The following PCDH15 variants were observed in gnomAD, a reference collection of about 807,000 sequenced individuals.
The protein encoded by PCDH15 is protocadherin related 15.
A neutral mutation model predicts 178.5 loss-of-function variants in PCDH15; 129 were observed. The ratio of observed to expected loss-of-function variants is 0.72; its 90% CI spans 0.63 to 0.84. PCDH15 has a LOEUF of 0.84. Among genes scored for constraint, PCDH15 ranks in the 40% least tolerant of loss-of-function variants. The pLI, the probability that PCDH15 is intolerant of heterozygous loss-of-function variation, is 0.00. For missense variants in PCDH15, 2,230 were observed against 2,099.9 expected, an observed-to-expected ratio of 1.06 and a Z score of -1.21; for synonymous variants, 800 against 732.0, an observed-to-expected ratio of 1.09 and a Z score of -1.50.
intron 18 of PCDH15, among the ~76,000 whole-genome samples, chr10:54,025,356 C>A (rs1027991588): frequency 1.3e-5 from 2 of 152,124 alleles, no homozygotes; most frequent in Non-Finnish European, 2.9e-5. Flanking sequence ...GAAACAACTT[C>A]TTTGCTCATT....
intron 3 of PCDH15, among the ~76,000 whole-genome samples, chr10:54,418,200 A>C (rs900353905): frequency 6.6e-6 from 1 of 152,168 alleles, no homozygotes; most frequent in Non-Finnish European, 1.5e-5. Context: ...GGGTGCACAG[A>C]GTACTTGAAT....
chr10:54,913,926 C>T (rs971782493), intron 2 of PCDH15, among the ~76,000 whole-genome samples: 1 of 152,174 alleles, frequency 6.6e-6, no homozygotes, highest in East Asian at 1.9e-4. Flanking sequence ...GCCTGTACCC[C>T]CACTGTATCT....
At chr10:55,514,987 A>ATTTTTTTT (rs35469059) in intron 2 of PCDH15, among the ~76,000 whole-genome samples, 1 of 120,270 alleles carries the variant, frequency 8.3e-6, no homozygotes, top group Non-Finnish European at 1.7e-5. Flanking sequence ...AGATAGATAG[A>ATTTTTTTT]TTTTTTTTTT....
intron 2 of PCDH15, among the ~76,000 whole-genome samples, chr10:54,929,638 C>G (rs1423715699): frequency 6.6e-6 from 1 of 152,096 alleles, no homozygotes; most frequent in East Asian, 1.9e-4. Flanking sequence ...TTACTTGTAC[C>G]CTTTACAACT....
At chr10:54,364,104 C>T (rs1034968006) in intron 5 of PCDH15, among the ~76,000 whole-genome samples, 4 of 151,354 alleles carry the variant, frequency 2.6e-5, no homozygotes, top group South Asian at 2.1e-4. Context: ...TCCAGCTACT[C>T]GGGAGGCTGA....
chr10:55,309,080 ACATATTTCACCTTTC>A (rs1161050312), intron 1 of PCDH15, among the ~76,000 whole-genome samples: 1 of 152,202 alleles, frequency 6.6e-6, no homozygotes, highest in Non-Finnish European at 1.5e-5. Context: ...TACAACTCAG[ACATATTTCACCTTTC>A]CAACTAAAAT....
At chr10:54,166,566 A>C (rs1021675211) in intron 13 of PCDH15, among the ~76,000 whole-genome samples, 27 of 152,194 alleles carry the variant, frequency 1.8e-4, no homozygotes, top group African/African-American at 5.1e-4. Flanking sequence ...AGAAATCCCT[A>C]CTGCTCTATT....
chr10:55,033,852 G>A (rs1227361285), intron 2 of PCDH15, among the ~76,000 whole-genome samples: 1 of 152,126 alleles, frequency 6.6e-6, no homozygotes, highest in African/African-American at 2.4e-5. Context: ...ATAGTATTAA[G>A]GGGTAAGGCC....
intron 2 of PCDH15, among the ~76,000 whole-genome samples, chr10:54,613,940 T>C (rs1291015689): frequency 6.6e-6 from 1 of 151,876 alleles, no homozygotes; most frequent in Non-Finnish European, 1.5e-5. Flanking sequence ...CCCAGACCAC[T>C]TCCAAATTTA....
intron 3 of PCDH15, among the ~76,000 whole-genome samples, chr10:54,485,202 C>T (rs190896423): frequency 6.6e-6 from 1 of 151,770 alleles, no homozygotes; most frequent in East Asian, 1.9e-4. Flanking sequence ...GACACTATGT[C>T]AAAAGTTTTG....
chr10:53,821,206 T>A (rs1379337067), intron 32 of PCDH15: 7 of 964,132 alleles, frequency 7.3e-6, no homozygotes, highest in Admixed American at 1.3e-4. Flanking sequence ...ATCAAATCCA[T>A]AAGCATACTA....
intron 10 of PCDH15, among the ~76,000 whole-genome samples, chr10:54,200,872 A>AC (rs1026386691): frequency 9.2e-5 from 14 of 151,972 alleles, no homozygotes; most frequent in Non-Finnish European, 1.6e-4. Context: ...CTAATCTCAC[A>AC]CCTTAAAAAT....
chr10:53,828,491 C>CTTGAT, intron 31 of PCDH15, 74 bp downstream of exon 31: 3 of 1,282,980 alleles, frequency 2.3e-6, no homozygotes. Context: ...AGCAGGCTGA[C>CTTGAT]TTGATTGATA....
chr10:55,451,473 G>C (rs1045189388), intron 2 of PCDH15, among the ~76,000 whole-genome samples: 1 of 149,610 alleles, frequency 6.7e-6, no homozygotes, highest in Non-Finnish European at 1.5e-5. Context: ...ACTCCAGCCT[G>C]GGAGACAGAG....
intron 2 of PCDH15, among the ~76,000 whole-genome samples, chr10:54,662,227 T>C (rs2094502566): frequency 6.6e-6 from 1 of 151,728 alleles, no homozygotes; most frequent in Admixed American, 6.6e-5. Context: ...ACTCCATTAA[T>C]AAGTGAGGAA....
intron 3 of PCDH15, among the ~76,000 whole-genome samples, chr10:54,432,267 C>G (rs542104477): frequency 1.4e-5 from 2 of 140,044 alleles, no homozygotes. Context: ...CCAAAGCTAT[C>G]AAAAAAAGAA....
intron 1 of PCDH15, among the ~76,000 whole-genome samples, chr10:55,299,058 T>C (rs2132275870): frequency 6.6e-6 from 1 of 152,308 alleles, no homozygotes; most frequent in African/African-American, 2.4e-5. Flanking sequence ...TTCTAAAATA[T>C]TATTACTTCA....
intron 3 of PCDH15, among the ~76,000 whole-genome samples, chr10:54,887,198 T>C (rs1954375142): frequency 6.6e-6 from 1 of 152,178 alleles, no homozygotes; most frequent in East Asian, 1.9e-4. Context: ...ACATCTAAAA[T>C]TGATAAATCA....
chr10:54,920,539 T>G (rs1837461348), intron 2 of PCDH15, among the ~76,000 whole-genome samples: 2 of 151,110 alleles, frequency 1.3e-5, no homozygotes, highest in Non-Finnish European at 3.0e-5. Flanking sequence ...CATGTGTGAC[T>G]GTGGCATTCC....
Sources: allele counts gnomAD v4.1 joint callset (sites outside exome capture counted in the v4.1 genomes callset), GRCh38; gene constraint gnomAD v4.1.1; transcripts MANE v1.5; gene names NCBI Gene and HGNC (gene_info 2026-07-23, HGNC 2026-07-21).